Variants in LINGO2 observed in about 807,000 individuals in gnomAD.
LINGO2 encodes the protein leucine rich repeat and Ig domain containing 2, also known as leucine-rich repeat and immunoglobulin-like domain-containing nogo receptor-interacting protein 2.
In LINGO2, 14 loss-of-function variants were observed where a neutral mutation model predicts 30.6. The observed-to-expected ratio is 0.46, with a 90% CI of 0.30 to 0.72. The LOEUF is 0.72. Among genes scored for constraint, LINGO2 ranks in the 30% least tolerant of loss-of-function variants. The pLI is 0.07. For missense variants in LINGO2, 729 were observed against 751.7 expected, an observed-to-expected ratio of 0.97 and a Z score of 0.35; for synonymous variants, 317 against 288.5, an observed-to-expected ratio of 1.10 and a Z score of -1.00.
intron 3 of LINGO2, among the ~76,000 whole-genome samples, chr9:28,365,859 G>A (rs1820650042): frequency 6.6e-6 from 1 of 151,230 alleles, no homozygotes; most frequent in African/African-American, 2.4e-5. Flanking sequence ...CTTAGAGGCA[G>A]AGGCAGAGTG....
the LINGO2 span, among the ~76,000 whole-genome samples, chr9:29,129,975 G>C: frequency 6.6e-6 from 1 of 152,122 alleles, no homozygotes; most frequent in South Asian, 2.1e-4. Context: ...AAAATAATTA[G>C]AATGCACTTT....
intron 1 of LINGO2, among the ~76,000 whole-genome samples, chr9:28,601,183 C>T (rs184017468): frequency 1.4e-3 from 212 of 152,154 alleles, no homozygotes; most frequent in Admixed American, 6.3e-3. Context: ...CTGTATTGAA[C>T]CCATGCTTTG....
At chr9:28,440,590 G>GA (rs1237527910) in intron 2 of LINGO2, among the ~76,000 whole-genome samples, 1 of 151,794 alleles carries the variant, frequency 6.6e-6, no homozygotes, top group African/African-American at 2.4e-5. Context: ...AATACCATAG[G>GA]ATAAAAAAAT....
the LINGO2 span, among the ~76,000 whole-genome samples, chr9:29,094,646 A>C: frequency 5.8e-5 from 8 of 139,074 alleles, 3 homozygotes; most frequent in African/African-American, 1.9e-4. Context: ...TAAGTGTAAA[A>C]TATAAACTGG....
At position 28,337,872 on chromosome 9, in the gene LINGO2, G is replaced by T. The variant is rs187557550; in HGVS notation, c.-246+34964C>A. On this transcript the variant is annotated intron_variant, in intron 3 of 5. Transcript: ENST00000379992. ...TAGGCAGAAGTTTGCTGCAGGGGTGGGGCCCTCATGGAGCACCTCTGTTAG... is the reference window on the plus strand; with the variant it reads ...TAGGCAGAAGTTTGCTGCAGGGGTGTGGCCCTCATGGAGCACCTCTGTTAG... Among the ~76,000 whole-genome samples the T allele has an allele frequency of 4.3e-3, 656 of 152,232 alleles. 4 individuals are homozygous for T. The highest frequency in any genetic ancestry group is 7.6e-3 in the Non-Finnish European group (515 of 68,012).
At chr9:28,149,033 C>T (rs1333759375) in intron 4 of LINGO2, 1 of 1,534,412 alleles carries the variant, frequency 6.5e-7, no homozygotes, top group African/African-American at 1.4e-5. Context: ...AGACGAGGGG[C>T]CCCCACCGGC....
chr9:28,864,969 G>C, the LINGO2 span, among the ~76,000 whole-genome samples: 2 of 152,000 alleles, frequency 1.3e-5, no homozygotes, highest in Non-Finnish European at 2.9e-5. Flanking sequence ...TCCATATAGG[G>C]CTAATGGAGA....
chr9:28,020,791 C>T (rs956659350), intron 4 of LINGO2, among the ~76,000 whole-genome samples: 2 of 152,068 alleles, frequency 1.3e-5, no homozygotes, highest in Non-Finnish European at 2.9e-5. Context: ...AGGATTTAGT[C>T]CACTTTATCT....
chr9:28,577,760 AAAGTGAAACTGTATAAATAAATGCC>A (rs1824061403), intron 1 of LINGO2, among the ~76,000 whole-genome samples: 1 of 152,178 alleles, frequency 6.6e-6, no homozygotes, highest in African/African-American at 2.4e-5. Flanking sequence ...TCATTTCTTC[AAAGTGAAACTGTATAAATAAATGCC>A]AAGTAGCACA....
the LINGO2 span, among the ~76,000 whole-genome samples, chr9:28,968,951 T>G: frequency 6.6e-6 from 1 of 152,182 alleles, no homozygotes; most frequent in South Asian, 2.1e-4. Context: ...ATAGTGATTC[T>G]TATCAGAAGT....
At chr9:28,817,073 A>G in the LINGO2 span, among the ~76,000 whole-genome samples, 1 of 152,216 alleles carries the variant, frequency 6.6e-6, no homozygotes, top group African/African-American at 2.4e-5. Flanking sequence ...GAAATTTTAC[A>G]AGTTTGAGAA....
the LINGO2 span, among the ~76,000 whole-genome samples, chr9:29,198,497 T>C: frequency 6.6e-6 from 1 of 152,270 alleles, no homozygotes; most frequent in East Asian, 1.9e-4. Context: ...AGCTTATGTG[T>C]ATACACTGAT....
At chr9:28,613,530 C>T (rs1398169252) in intron 1 of LINGO2, among the ~76,000 whole-genome samples, 1 of 151,860 alleles carries the variant, frequency 6.6e-6, no homozygotes, top group Non-Finnish European at 1.5e-5. Context: ...TGTAGACATA[C>T]TGATATGTAG....
chr9:28,588,117 G>A (rs1405912016), intron 1 of LINGO2, among the ~76,000 whole-genome samples: 4 of 151,940 alleles, frequency 2.6e-5, no homozygotes, highest in Non-Finnish European at 5.9e-5. Flanking sequence ...TGAACACACT[G>A]GGGCTAGAAA....
At chr9:29,205,318 T>G in the LINGO2 span, among the ~76,000 whole-genome samples, 2 of 152,158 alleles carry the variant, frequency 1.3e-5, no homozygotes, top group Non-Finnish European at 2.9e-5. Flanking sequence ...GGATTATAGG[T>G]GTGAGCCACC....
At chr9:28,641,339 G>A (rs190174758) in intron 1 of LINGO2, among the ~76,000 whole-genome samples, 10 of 152,136 alleles carry the variant, frequency 6.6e-5, no homozygotes, top group Admixed American at 2.6e-4. Context: ...CCCGGCCTCA[G>A]AGGTTTTAAA....
intron 4 of LINGO2, among the ~76,000 whole-genome samples, chr9:28,262,129 CT>C (rs1175994937): frequency 6.6e-6 from 1 of 151,772 alleles, no homozygotes; most frequent in Non-Finnish European, 1.5e-5. Context: ...TTTGTGCATG[CT>C]TTTTTTAAAT....
intron 4 of LINGO2, among the ~76,000 whole-genome samples, chr9:28,194,277 T>C (rs964364681): frequency 6.6e-6 from 1 of 152,128 alleles, no homozygotes; most frequent in African/African-American, 2.4e-5. Flanking sequence ...AAATAAAATA[T>C]ATGCCACAAA....
chr9:28,286,609 C>T (rs1823517630), intron 4 of LINGO2, among the ~76,000 whole-genome samples: 1 of 152,086 alleles, frequency 6.6e-6, no homozygotes, highest in Non-Finnish European at 1.5e-5. Context: ...TACGTATATA[C>T]CACGGAATAC....
Sources: allele counts gnomAD v4.1 joint callset (sites outside exome capture counted in the v4.1 genomes callset), GRCh38; gene constraint gnomAD v4.1.1; transcripts MANE v1.5; gene names NCBI Gene and HGNC (gene_info 2026-07-23, HGNC 2026-07-21).